The following AFF3 variants were observed in gnomAD, a reference collection of about 807,000 sequenced individuals.
AFF3 encodes ALF transcription elongation factor 3, also known as AF4/FMR2 family member 3.
AFF3 carries 32 observed loss-of-function variants against 129.7 expected under a neutral mutation model. That is an observed-to-expected ratio of 0.25 (90% CI 0.19 to 0.33). AFF3 has a LOEUF of 0.33. AFF3 is among the 10% of genes least tolerant of loss of function. The pLI, the probability that AFF3 is intolerant of heterozygous loss-of-function variation, is 1.00. For missense variants in AFF3, 1,373 were observed against 1,592.0 expected (o/e 0.86, Z 2.34); for synonymous variants, 644 against 635.4 (o/e 1.01, Z -0.20).
chr2:99,607,741 T>C (rs1298871949), intron 13 of AFF3, among the ~76,000 whole-genome samples: 3 of 152,266 alleles, frequency 2.0e-5, no homozygotes, highest in African/African-American at 7.2e-5. Context: ...ACACATGCTG[T>C]GGGCACTCCA....
At chr2:99,653,184 C>A (rs189783106) in intron 12 of AFF3, among the ~76,000 whole-genome samples, 4 of 152,358 alleles carry the variant, frequency 2.6e-5, no homozygotes, top group Admixed American at 2.6e-4. Context: ...CTACTCCTGA[C>A]TGTTTGGCTG....
chr2:99,587,105 A>ACC, intron 16 of AFF3, 49 bp downstream of exon 16: 1 of 1,609,300 alleles, frequency 6.2e-7, no homozygotes, highest in African/African-American at 1.3e-5. Context: ...TGACTTTCAG[A>ACC]CCCAGAGATC....
intron 7 of AFF3, among the ~76,000 whole-genome samples, chr2:99,888,328 A>C (rs1049373842): frequency 6.6e-6 from 1 of 152,242 alleles, no homozygotes; most frequent in Non-Finnish European, 1.5e-5. Context: ...ATGAATAAAA[A>C]CTGTTAATTA....
intron 13 of AFF3, among the ~76,000 whole-genome samples, chr2:99,640,359 C>A (rs113585312): frequency 6.6e-6 from 1 of 151,666 alleles, no homozygotes; most frequent in African/African-American, 2.4e-5. Context: ...CTTGGTGGTG[C>A]GATGAGGTAA....
intron 13 of AFF3, 147 bp from the exon 14 acceptor site, chr2:99,601,768 C>G: frequency 1.0e-6 from 1 of 998,248 alleles, no homozygotes; most frequent in Admixed American, 3.0e-5. Flanking sequence ...ACTCAAAGAG[C>G]AGGCATCGAG....
chr2:99,707,613 A>G, intron 11 of AFF3: 1 of 985,366 alleles, frequency 1.0e-6, no homozygotes, highest in Non-Finnish European at 1.2e-6. Context: ...GTATTTTAAC[A>G]AAGTTCCAAA....
At chr2:99,582,738 A>C in intron 17 of AFF3, 60 bp downstream of exon 17, 1 of 1,566,434 alleles carries the variant, frequency 6.4e-7, no homozygotes, top group Non-Finnish European at 8.8e-7. Context: ...TTAGAGACAG[A>C]GCTTGGGGGT....
At chr2:100,116,499 C>G (rs1038923024) in intron 2 of AFF3, among the ~76,000 whole-genome samples, 1 of 152,082 alleles carries the variant, frequency 6.6e-6, no homozygotes, top group African/African-American at 2.4e-5. Flanking sequence ...TACCTTGGAA[C>G]ATACATGGCT....
At chr2:99,972,323 T>C (rs1678468307) in intron 7 of AFF3, among the ~76,000 whole-genome samples, 1 of 152,180 alleles carries the variant, frequency 6.6e-6, no homozygotes, top group Admixed American at 6.5e-5. Context: ...CAGAAGCAAG[T>C]CCAAGAGAAT....
At chr2:99,832,224 T>C (rs1186656689) in intron 8 of AFF3, among the ~76,000 whole-genome samples, 1 of 152,222 alleles carries the variant, frequency 6.6e-6, no homozygotes, top group Non-Finnish European at 1.5e-5. Context: ...GCCCTTCATC[T>C]TCTAGGCATA....
intron 11 of AFF3, among the ~76,000 whole-genome samples, chr2:99,704,707 G>C (rs1373231470): frequency 6.6e-6 from 1 of 152,182 alleles, no homozygotes; most frequent in Admixed American, 6.5e-5. Flanking sequence ...GTGACCTTGA[G>C]GTGTCAGAGC....
intron 8 of AFF3, among the ~76,000 whole-genome samples, chr2:99,798,463 A>G (rs1161778157): frequency 6.6e-6 from 1 of 151,914 alleles, no homozygotes; most frequent in African/African-American, 2.4e-5. Context: ...AATCAGATAA[A>G]TAATAAATAA....
At chr2:99,743,277 A>G (rs1004611723) in intron 10 of AFF3, among the ~76,000 whole-genome samples, 1 of 152,206 alleles carries the variant, frequency 6.6e-6, no homozygotes, top group Non-Finnish European at 1.5e-5. Flanking sequence ...TTGCCAGGAC[A>G]TCTTTTCTCT....
In AFF3 at chr2:99,869,407, T is replaced by A. The variant is rs151036736; in HGVS notation, c.874-31883A>T. Among the ~76,000 whole-genome samples, 1,200 of 148,396 alleles carry A rather than the reference T, an allele frequency of 8.1e-3. 14 individuals carry two copies. Among genetic ancestry groups the A allele is most frequent in the African/African-American group, 0.028 (1,130 of 40,066 alleles). ...TTACTCAGCACCTTCTATGCCCATGTGTCAGCTGTAGAGCTGGAGGGTGGG... is the reference window on the plus strand; with the variant it reads ...TTACTCAGCACCTTCTATGCCCATGAGTCAGCTGTAGAGCTGGAGGGTGGG... On this transcript the variant is annotated intron_variant, in intron 7 of 24. Transcript: ENST00000672756.
chr2:99,948,985 A>G (rs760390805), intron 7 of AFF3, among the ~76,000 whole-genome samples: 1 of 152,192 alleles, frequency 6.6e-6, no homozygotes, highest in Non-Finnish European at 1.5e-5. Context: ...TTAAGTTGAC[A>G]ATAATATTTG....
At chr2:99,729,921 A>T (rs969026961) in intron 10 of AFF3, among the ~76,000 whole-genome samples, 1 of 152,124 alleles carries the variant, frequency 6.6e-6, no homozygotes, top group Non-Finnish European at 1.5e-5. Context: ...GGGTGCAGGG[A>T]AGCCATTTTA....
chr2:99,767,958 A>T (rs1455680855), intron 8 of AFF3, among the ~76,000 whole-genome samples: 1 of 152,140 alleles, frequency 6.6e-6, no homozygotes, highest in African/African-American at 2.4e-5. Context: ...GTCTCTGGGA[A>T]TCCCCAGCCT....
At chr2:99,936,337 C>T (rs145287792) in intron 7 of AFF3, among the ~76,000 whole-genome samples, 224 of 152,260 alleles carry the variant, frequency 1.5e-3, no homozygotes, top group African/African-American at 4.7e-3. Flanking sequence ...CTGACAGCTT[C>T]GTGTGCTGAG....
At chr2:99,870,844 T>C (rs1022121861) in intron 7 of AFF3, among the ~76,000 whole-genome samples, 12 of 152,206 alleles carry the variant, frequency 7.9e-5, no homozygotes, top group African/African-American at 2.9e-4. Context: ...TTAAATACCA[T>C]AATATGTCAT....
Sources: gnomAD v4.1 joint callset for allele counts (sites outside exome capture counted in the v4.1 genomes callset) on GRCh38, gnomAD v4.1.1 for gene constraint, MANE v1.5 for transcripts, NCBI Gene and HGNC (gene_info 2026-07-23, HGNC 2026-07-21) for gene names.